CD247: variants seen among roughly 807,000 people sequenced by gnomAD.
CD247 encodes the protein CD247 molecule.
A neutral mutation model predicts 30.0 loss-of-function variants in CD247; 13 were observed. The observed-to-expected ratio is 0.43, with a 90% CI of 0.28 to 0.69. The LOEUF (loss-of-function observed/expected upper bound fraction) is 0.69, where lower values mean the gene tolerates loss of function less well. Among genes scored for constraint, CD247 ranks in the 30% least tolerant of loss-of-function variants. CD247 has a pLI of 0.16. For missense variants in CD247, 193 were observed against 212.6 expected, an observed-to-expected ratio of 0.91 and a Z score of 0.57; for synonymous variants, 72 against 80.0, an observed-to-expected ratio of 0.90 and a Z score of 0.53.
intron 1 of CD247, among the ~76,000 whole-genome samples, chr1:167,441,142 C>A (rs540393589): frequency 5.9e-5 from 9 of 152,310 alleles, no homozygotes; most frequent in African/African-American, 2.2e-4. Context: ...AAGATGTTCA[C>A]GTCTGGATGA....
At chr1:167,459,933 C>T (rs1571544493) in intron 1 of CD247, 3 of 152,200 alleles carry the variant, frequency 2.0e-5, no homozygotes, top group South Asian at 2.1e-4. Context: ...CTCTTCACTC[C>T]CCAGCTAACC....
intron 1 of CD247, among the ~76,000 whole-genome samples, chr1:167,509,382 A>AG (rs1027517133): frequency 4.6e-5 from 7 of 151,768 alleles, no homozygotes; most frequent in Non-Finnish European, 8.8e-5. Flanking sequence ...AAAAAAAAAA[A>AG]AAAAAAAAGA....
At chr1:167,498,270 G>A (rs1396637039) in intron 1 of CD247, among the ~76,000 whole-genome samples, 1 of 152,192 alleles carries the variant, frequency 6.6e-6, no homozygotes, top group Non-Finnish European at 1.5e-5. Context: ...AACCAACAAT[G>A]CCTTGACATC....
intron 1 of CD247, among the ~76,000 whole-genome samples, chr1:167,459,348 CTT>C (rs34706916): frequency 0.019 from 1,564 of 80,288 alleles, 13 homozygotes; most frequent in African/African-American, 0.048. Flanking sequence ...CCTTACAACT[CTT>C]TTTTTTTTTT....
chr1:167,440,634 G>T, intron 2 of CD247, 30 bp downstream of exon 2: 2 of 1,474,836 alleles, frequency 1.4e-6, no homozygotes, highest in Non-Finnish European at 1.9e-6. Context: ...GGGACCCCGT[G>T]CCCTCCTCCC....
chr1:167,453,233 A>G (rs925256973), intron 1 of CD247, among the ~76,000 whole-genome samples: 2 of 152,088 alleles, frequency 1.3e-5, no homozygotes, highest in African/African-American at 2.4e-5. Context: ...CCTAACAACA[A>G]TTGAGTGAGG....
intron 1 of CD247, among the ~76,000 whole-genome samples, chr1:167,484,449 G>A (rs1472930344): frequency 1.3e-5 from 2 of 152,186 alleles, no homozygotes; most frequent in Non-Finnish European, 2.9e-5. Flanking sequence ...GGAGGAGGAG[G>A]CACTGTCTGG....
At position 167,488,309 on chromosome 1, in the gene CD247, G is replaced by A. The variant is rs563554531; in HGVS notation, c.58+30099C>T. 2.0e-5 allele frequency among the ~76,000 whole-genome samples: 3 copies of A among 152,352 alleles called. No homozygotes were observed. The South Asian group carries it at 6.2e-4, about 32-fold the overall frequency. On this transcript the variant is annotated intron_variant, in intron 1 of 7. Transcript: ENST00000362089. ...ATGATACCTGTTAAAGCACAGTAAG[G>A]CAGACTTCATTCAAAACTGTCATGA... is the stretch of plus-strand genomic sequence containing the variant.
At position 167,440,656 on chromosome 1, in the gene CD247, G is replaced by T. The variant is rs1571515476; in HGVS notation, c.162+8C>A. On this transcript the variant is annotated splice_region_variant and intron_variant, in intron 2 of 7. Transcript: ENST00000362089. ...CGTGCCCTCCTCCCAAAGCCCAGTGGTACCCACCTTCACTCTCAGGAACAA... is the reference window on the plus strand; with the variant it reads ...CGTGCCCTCCTCCCAAAGCCCAGTGTTACCCACCTTCACTCTCAGGAACAA... 6.3e-7 allele frequency: 1 copy of T among 1,595,718 alleles called. No individual in the cohort carries two copies. Among genetic ancestry groups the T allele is most frequent in the Admixed American group, 1.7e-5 (1 of 59,962 alleles).
chr1:167,435,473 C>T (rs1336960632), intron 4 of CD247, 39 bp from the exon 5 acceptor site: 3 of 1,566,160 alleles, frequency 1.9e-6, no homozygotes, highest in Non-Finnish European at 8.8e-7. Context: ...GGGAGAGAAA[C>T]ACAAACCCAA....
At chr1:167,436,009 T>C (rs1416109140) in intron 4 of CD247, among the ~76,000 whole-genome samples, 1 of 152,220 alleles carries the variant, frequency 6.6e-6, no homozygotes, top group Non-Finnish European at 1.5e-5. Context: ...TGGCAGCATC[T>C]GGCAGCACTG....
At chr1:167,493,333 G>A (rs1307214331) in intron 1 of CD247, among the ~76,000 whole-genome samples, 3 of 152,070 alleles carry the variant, frequency 2.0e-5, no homozygotes, top group Admixed American at 6.6e-5. Context: ...GTGAGCCACC[G>A]CACCTGGCCA....
rs921348795 is a variant in CD247, at chr1:167,481,773, C to T, written c.58+36635G>A. Among the ~76,000 whole-genome samples, 7 of 152,210 alleles carry T rather than the reference C, an allele frequency of 4.6e-5. 1 individual carries two copies. The highest frequency in any genetic ancestry group is 4.6e-4 in the Admixed American group (7 of 15,292). ...CAGGAAAAGCAGTGGTGGGGTGGGG[C>T]GGTCACAGGACCATACCTGTCACTG... On this transcript the variant is annotated intron_variant, in intron 1 of 7. Coordinates refer to ENST00000362089, the MANE Select transcript of CD247 (RefSeq NM_198053.3).
At chr1:167,462,444 C>T (rs140941106) in intron 1 of CD247, among the ~76,000 whole-genome samples, 1 of 152,208 alleles carries the variant, frequency 6.6e-6, no homozygotes, top group Non-Finnish European at 1.5e-5. Flanking sequence ...TGGCTCTCCT[C>T]GACACAGAAG....
At chr1:167,451,121 T>A (rs1435762783) in intron 1 of CD247, among the ~76,000 whole-genome samples, 1 of 151,580 alleles carries the variant, frequency 6.6e-6, no homozygotes, top group Non-Finnish European at 1.5e-5. Context: ...GTCTCTGAAC[T>A]GCAAGCAGGG....
At chr1:167,491,679 A>G (rs1654456433) in intron 1 of CD247, among the ~76,000 whole-genome samples, 1 of 152,262 alleles carries the variant, frequency 6.6e-6, no homozygotes, top group African/African-American at 2.4e-5. Context: ...CCATGTTTAT[A>G]GCAGCACTGT....
intron 1 of CD247, among the ~76,000 whole-genome samples, chr1:167,486,539 C>A (rs187281176): frequency 3.3e-5 from 5 of 152,384 alleles, no homozygotes; most frequent in Middle Eastern, 3.4e-3. Context: ...AGCCGCCGGT[C>A]CAGGGCCCGC....
chr1:167,493,473 T>C (rs1199905099), intron 1 of CD247, among the ~76,000 whole-genome samples: 3 of 152,204 alleles, frequency 2.0e-5, no homozygotes, highest in African/African-American at 7.2e-5. Context: ...CTGAGTACTG[T>C]CTCTGTGCCA....
At chr1:167,464,507 A>C (rs75208669) in intron 1 of CD247, among the ~76,000 whole-genome samples, 1 of 152,176 alleles carries the variant, frequency 6.6e-6, no homozygotes, top group East Asian at 1.9e-4. Flanking sequence ...AGGAAACTCC[A>C]TGGGGAGAAG....
Sources: gnomAD v4.1 joint callset for allele counts (sites outside exome capture counted in the v4.1 genomes callset) on GRCh38, gnomAD v4.1.1 for gene constraint, MANE v1.5 for transcripts, NCBI Gene and HGNC (gene_info 2026-07-23, HGNC 2026-07-21) for gene names.